The following GPM6B variants were observed in gnomAD, a reference collection of about 807,000 sequenced individuals.
GPM6B encodes neuronal membrane glycoprotein M6-b.
In GPM6B, 4 loss-of-function variants were observed where a neutral mutation model predicts 27.2. The observed-to-expected ratio is 0.15, with a 90% CI of 0.07 to 0.34. The LOEUF (loss-of-function observed/expected upper bound fraction) is 0.34. Among genes scored for constraint, GPM6B ranks in the 10% least tolerant of loss-of-function variants. GPM6B has a pLI of 1.00. For missense variants in GPM6B, 183 were observed against 261.9 expected, an observed-to-expected ratio of 0.70 and a Z score of 2.08; for synonymous variants, 124 against 103.1, an observed-to-expected ratio of 1.20 and a Z score of -1.23.
At chrX:13,796,329 A>C (rs1173841380) in intron 2 of GPM6B, among the ~76,000 whole-genome samples, 3 of 112,251 alleles carry the variant, frequency 2.7e-5, no homozygotes, top group Admixed American at 9.4e-5. Flanking sequence ...TTGGCCTCCC[A>C]AAGTGCTGGG....
intron 2 of GPM6B, among the ~76,000 whole-genome samples, chrX:13,788,986 T>C (rs2048662791): frequency 8.9e-6 from 1 of 111,833 alleles, no homozygotes; most frequent in Admixed American, 9.5e-5. Context: ...CAGATGATTT[T>C]ATTTGTGGCT....
intron 1 of GPM6B, among the ~76,000 whole-genome samples, chrX:13,866,879 G>A (rs2049926119): frequency 9.0e-6 from 1 of 111,706 alleles, no homozygotes; most frequent in Non-Finnish European, 1.9e-5. Context: ...AGATGCATTT[G>A]CAGTTTTCAA....
chrX:13,899,652 C>T (rs2050265665), intron 1 of GPM6B, among the ~76,000 whole-genome samples: 1 of 110,637 alleles, frequency 9.0e-6, no homozygotes, highest in South Asian at 3.9e-4. Flanking sequence ...ACAACAAGGA[C>T]CAAGAACAGT....
At chrX:13,780,596 C>G in intron 4 of GPM6B, among the ~76,000 whole-genome samples, 1 of 111,835 alleles carries the variant, frequency 8.9e-6, no homozygotes, top group South Asian at 3.8e-4. Context: ...CTATAAAATT[C>G]TCATTTTCCT....
chrX:13,831,177 TACACACACACAC>T (rs536337642), intron 1 of GPM6B, among the ~76,000 whole-genome samples: 1,523 of 81,598 alleles, frequency 0.019, 30 homozygotes, highest in African/African-American at 0.067. Context: ...AAGAGCTCAG[TACACACACACAC>T]ACACACACAC....
rs185559497 is a variant in GPM6B at position 13,873,413 on chromosome X, A to G, written c.-198+64914T>C. Among the ~76,000 whole-genome samples, 116 of 111,043 alleles carry G rather than the reference A, an allele frequency of 1.0e-3. 1 individual carries two copies. The highest frequency in any genetic ancestry group is 6.4e-3 in the Admixed American group (67 of 10,445). On this transcript the variant is annotated intron_variant, in intron 1 of 6. Coordinates refer to the GPM6B transcript ENST00000398361. The stretch of plus-strand genomic sequence containing the variant: ...AACTTAAGGAAAGGGGCTTATCTCC[A>G]TGTCTCTGTTTCCCGATTCTTAAAC...
intron 1 of GPM6B, among the ~76,000 whole-genome samples, chrX:13,918,068 C>T (rs1354627314): frequency 2.7e-5 from 3 of 112,644 alleles, no homozygotes; most frequent in Non-Finnish European, 5.6e-5. Context: ...AAATGTAGAC[C>T]AGTATTAGGA....
At chrX:13,791,205 G>A (rs1458329345) in intron 2 of GPM6B, among the ~76,000 whole-genome samples, 1 of 104,940 alleles carries the variant, frequency 9.5e-6, no homozygotes, top group Non-Finnish European at 2.0e-5. Context: ...TCAATGCCAG[G>A]TTTTTTTTTT....
chrX:13,906,674 G>A (rs1345779477), intron 1 of GPM6B, among the ~76,000 whole-genome samples: 1 of 111,750 alleles, frequency 8.9e-6, no homozygotes, highest in Non-Finnish European at 1.9e-5. Context: ...GATTTTTATG[G>A]GTTTTAAAAG....
intron 1 of GPM6B, among the ~76,000 whole-genome samples, chrX:13,937,890 G>T (rs975567432): frequency 3.6e-5 from 4 of 111,129 alleles, no homozygotes; most frequent in Admixed American, 2.9e-4. Flanking sequence ...CACCCGGGCC[G>T]CATTTTAATA....
chrX:13,797,977 G>C (rs1164169608), intron 2 of GPM6B, among the ~76,000 whole-genome samples: 2 of 110,405 alleles, frequency 1.8e-5, no homozygotes, highest in Non-Finnish European at 3.8e-5. Flanking sequence ...GTGGTTGCTT[G>C]GGGAGAGTGG....
chrX:13,916,560 T>G (rs1181739228), intron 1 of GPM6B, among the ~76,000 whole-genome samples: 1 of 111,187 alleles, frequency 9.0e-6, no homozygotes, highest in Non-Finnish European at 1.9e-5. Context: ...CCTCCTGAGG[T>G]AGAGCTGTTC....
At chrX:13,828,025 G>T (rs1190087986) in intron 1 of GPM6B, among the ~76,000 whole-genome samples, 2 of 111,171 alleles carry the variant, frequency 1.8e-5, no homozygotes, top group East Asian at 5.6e-4. Context: ...TGGGGAACCA[G>T]ACCCCTTCAA....
At chrX:13,867,043 C>T (rs1292648737) in intron 1 of GPM6B, among the ~76,000 whole-genome samples, 1 of 111,947 alleles carries the variant, frequency 8.9e-6, no homozygotes, top group Non-Finnish European at 1.9e-5. Flanking sequence ...CTCTTGCTTT[C>T]ACTTGGTACG....
intron 1 of GPM6B, among the ~76,000 whole-genome samples, chrX:13,916,788 C>T (rs901768848): frequency 9.3e-6 from 1 of 107,844 alleles, no homozygotes; most frequent in African/African-American, 3.4e-5. Context: ...ACAAATAGAT[C>T]GAAACTTTCA....
At chrX:13,906,497 G>A (rs188677239) in intron 1 of GPM6B, among the ~76,000 whole-genome samples, 250 of 111,495 alleles carry the variant, frequency 2.2e-3, no homozygotes, top group Non-Finnish European at 3.1e-3. Context: ...TTTCTTTAAC[G>A]GCTACCCATA....
chrX:13,844,912 C>A (rs1038119961), intron 1 of GPM6B, among the ~76,000 whole-genome samples: 4 of 111,650 alleles, frequency 3.6e-5, no homozygotes, highest in Non-Finnish European at 7.5e-5. Context: ...TGGGATTTAT[C>A]TTGCCTCTCT....
At chrX:13,876,991 C>T (rs2050040133) in intron 1 of GPM6B, among the ~76,000 whole-genome samples, 1 of 111,112 alleles carries the variant, frequency 9.0e-6, no homozygotes, top group African/African-American at 3.3e-5. Context: ...TTGGATCACA[C>T]AATTTCCAGC....
rs746968924 is a variant in GPM6B at position 13,844,958 on chromosome X, CTTTTT to C, written c.-197-59155_-197-59151del. ...CCTTCTAATATGTGCCAGAATGTTT[CTTTTT>C]ATTTATTTTCAGAACGTTTTTTCTT... On this transcript the variant is annotated intron_variant, in intron 1 of 6. Transcript: ENST00000398361. 4.6e-5 allele frequency among the ~76,000 whole-genome samples: 5 copies of C among 107,846 alleles called. No individual in the cohort carries two copies. The East Asian group carries it at 1.2e-3, about 26-fold the overall frequency. 93.7% of individuals were successfully genotyped at this position (107,846 alleles called of 115,157 possible). A position where few individuals can be genotyped will look rare whatever the true frequency, so the allele number is the denominator to read the frequency against.
Sources: gnomAD v4.1 joint callset for allele counts (sites outside exome capture counted in the v4.1 genomes callset) on GRCh38, gnomAD v4.1.1 for gene constraint, MANE v1.5 for transcripts, NCBI Gene and HGNC (gene_info 2026-07-23, HGNC 2026-07-21) for gene names.